Variants in ENOX2 observed in about 807,000 individuals in gnomAD.
ENOX2 encodes APK1 antigen.
ENOX2 carries 36 observed loss-of-function variants against 45.0 expected under a neutral mutation model. The observed-to-expected ratio is 0.80, with a 90% CI of 0.61 to 1.06. ENOX2 has a LOEUF of 1.06. ENOX2 is among the 50% of genes least tolerant of loss of function. The pLI is 0.00. For missense variants in ENOX2, 423 were observed against 462.5 expected, an observed-to-expected ratio of 0.91 and a Z score of 0.78; for synonymous variants, 174 against 152.3, an observed-to-expected ratio of 1.14 and a Z score of -1.05.
At chrX:130,632,692 A>G (rs917309784) in intron 12 of ENOX2, among the ~76,000 whole-genome samples, 1 of 111,993 alleles carries the variant, frequency 8.9e-6, no homozygotes, top group African/African-American at 3.2e-5. Context: ...ATGTCTTCAA[A>G]GCTTCCAGGA....
intron 2 of ENOX2, among the ~76,000 whole-genome samples, chrX:130,881,298 T>C (rs1452946984): frequency 8.9e-6 from 1 of 112,555 alleles, no homozygotes. Flanking sequence ...AGACTTTCAG[T>C]GTTCGAACAA....
At chrX:130,638,346 G>T (rs147971204) in intron 10 of ENOX2, among the ~76,000 whole-genome samples, 82 of 109,886 alleles carry the variant, frequency 7.5e-4, no homozygotes, top group African/African-American at 2.7e-3. Context: ...GATTACAGGC[G>T]TGAGCCACCA....
At chrX:130,736,658 G>C (rs747832548) in intron 3 of ENOX2, among the ~76,000 whole-genome samples, 1 of 111,715 alleles carries the variant, frequency 9.0e-6, no homozygotes, top group African/African-American at 3.3e-5. Context: ...GTAGTGGGCT[G>C]AATTTTGCCT....
intron 3 of ENOX2, among the ~76,000 whole-genome samples, chrX:130,753,255 C>A (rs899108536): frequency 9.1e-6 from 1 of 110,201 alleles, no homozygotes; most frequent in Non-Finnish European, 1.9e-5. Flanking sequence ...TCTTCTGTTT[C>A]AGTGTGTCCC....
chrX:130,701,385 C>T (rs1028431997), intron 4 of ENOX2, among the ~76,000 whole-genome samples: 1 of 110,032 alleles, frequency 9.1e-6, no homozygotes, highest in African/African-American at 3.3e-5. Context: ...ATATATAAAA[C>T]AATATATATT....
chrX:130,734,346 C>T (rs939207371), intron 3 of ENOX2, among the ~76,000 whole-genome samples: 1 of 111,794 alleles, frequency 8.9e-6, no homozygotes, highest in African/African-American at 3.3e-5. Context: ...GAAGCCTCCT[C>T]GGAAGTAATT....
At chrX:130,865,863 A>T (rs371708692) in intron 2 of ENOX2, among the ~76,000 whole-genome samples, 1 of 111,302 alleles carries the variant, frequency 9.0e-6, no homozygotes, top group Admixed American at 9.6e-5. Context: ...ATAGCCGTAG[A>T]TCCTAAGATT....
chrX:130,752,045 G>A (rs1007261816), intron 3 of ENOX2, among the ~76,000 whole-genome samples: 5 of 111,391 alleles, frequency 4.5e-5, no homozygotes, highest in African/African-American at 1.6e-4. Context: ...CTGATAGATT[G>A]AATCTATTAC....
At chrX:130,772,558 C>T (rs1476631759) in intron 3 of ENOX2, among the ~76,000 whole-genome samples, 2 of 111,859 alleles carry the variant, frequency 1.8e-5, no homozygotes, top group Non-Finnish European at 3.8e-5. Context: ...TAGTGTTCAT[C>T]TCAGAGAAAA....
At chrX:130,698,173 T>C (rs756605813) in intron 4 of ENOX2, among the ~76,000 whole-genome samples, 3 of 112,046 alleles carry the variant, frequency 2.7e-5, no homozygotes, top group South Asian at 7.5e-4. Context: ...ACATAGATCA[T>C]ATAAACTCAT....
rs1278679137 is a variant in ENOX2, at chrX:130,693,872, G to T, written c.98-4854C>A. 1.8e-5 allele frequency among the ~76,000 whole-genome samples: 2 copies of T among 111,772 alleles called. 1 individual carries two copies. The highest frequency in any genetic ancestry group is 3.8e-5 in the Non-Finnish European group (2 of 53,177). On this transcript the variant is annotated intron_variant, in intron 4 of 14. Transcript: ENST00000394363. ...ATTTCTACCTTTTGTCTCTAGAAAT[G>T]TGTGATACAGGAGCTTTTCATCCTC...
intron 2 of ENOX2, 79 bp from the exon 3 acceptor site, chrX:130,783,769 T>C (rs1368545171): frequency 4.4e-6 from 1 of 225,828 alleles, no homozygotes; most frequent in African/African-American, 3.0e-5. Flanking sequence ...TATGAGCCAC[T>C]AGTGGAAAAC....
At chrX:130,749,604 C>T (rs753783154) in intron 3 of ENOX2, among the ~76,000 whole-genome samples, 4 of 110,832 alleles carry the variant, frequency 3.6e-5, no homozygotes, top group East Asian at 5.7e-4. Flanking sequence ...AGTCCCCTTG[C>T]GAGCATGATT....
chrX:130,663,531 CAA>C (rs771813859), intron 9 of ENOX2, among the ~76,000 whole-genome samples: 11 of 43,033 alleles, frequency 2.6e-4, no homozygotes, highest in Non-Finnish European at 1.7e-4. Flanking sequence ...ACTCCGTCTC[CAA>C]AAAAAAAAAA....
In ENOX2 at chrX:130,624,612, C is replaced by T. The variant is rs1355898824; in HGVS notation, c.*702G>A. On this transcript the variant is annotated 3_prime_UTR_variant, in exon 15 of 15. Transcript: ENST00000394363. ...TGATTCTGAATAGCATGAACACATG[C>T]CAGTCATACTGGATACTTGCTTTCT... 8.9e-6 allele frequency: 1 copy of T among 112,855 alleles called. No homozygotes were observed. Among genetic ancestry groups the T allele is most frequent in the African/African-American group, 3.2e-5 (1 of 31,011 alleles). 9.3% of individuals were successfully genotyped at this position (112,855 alleles called of 1,213,427 possible). A position where few individuals can be genotyped will look rare whatever the true frequency, so the allele number is the denominator to read the frequency against.
intron 2 of ENOX2, among the ~76,000 whole-genome samples, chrX:130,822,783 TA>T (rs763238038): frequency 2.7e-5 from 3 of 110,080 alleles, no homozygotes; most frequent in East Asian, 2.8e-4. Flanking sequence ...ATAATAATAA[TA>T]AAAAAAGAAA....
At chrX:130,776,216 T>C (rs2039852896) in intron 3 of ENOX2, among the ~76,000 whole-genome samples, 1 of 111,113 alleles carries the variant, frequency 9.0e-6, no homozygotes, top group Non-Finnish European at 1.9e-5. Flanking sequence ...TAAAACTGAT[T>C]TTTTTTCCAG....
At chrX:130,712,396 T>TA (rs2038217004) in intron 3 of ENOX2, among the ~76,000 whole-genome samples, 1 of 111,384 alleles carries the variant, frequency 9.0e-6, no homozygotes. Context: ...TCCCAATAAA[T>TA]AAAAACACCT....
intron 3 of ENOX2, among the ~76,000 whole-genome samples, chrX:130,729,470 C>T (rs1318539262): frequency 8.9e-6 from 1 of 111,780 alleles, no homozygotes; most frequent in African/African-American, 3.3e-5. Context: ...TTTTCCAAAA[C>T]ACTTGTTGTT....
Sources: allele counts gnomAD v4.1 joint callset (sites outside exome capture counted in the v4.1 genomes callset), GRCh38; gene constraint gnomAD v4.1.1; transcripts MANE v1.5; gene names NCBI Gene and HGNC (gene_info 2026-07-23, HGNC 2026-07-21).